Variants in NOS1AP observed in about 807,000 individuals in gnomAD.
NOS1AP encodes the protein nitric oxide synthase 1 adaptor protein.
Under a neutral mutation model 56.2 loss-of-function variants are expected in NOS1AP, and 21 were observed. That is an observed-to-expected ratio of 0.37 (90% confidence interval 0.26 to 0.54). The LOEUF is 0.54. NOS1AP is among the 20% of genes least tolerant of loss of function. The pLI is 0.84. For missense variants in NOS1AP, 522 were observed against 657.8 expected (o/e 0.79, Z 2.26); for synonymous variants, 270 against 274.6 (o/e 0.98, Z 0.17).
Position 162,357,064 on chromosome 1 carries a change from TCAC to T in NOS1AP, c.873_875del (p.His291del). ...TGGGCACAGAGACACCGCTGTCCACTCACCACCAGATGCAGCTCCTCCAGCAGC... is the reference window on the plus strand; with the variant it reads ...TGGGCACAGAGACACCGCTGTCCACTCACCAGATGCAGCTCCTCCAGCAGC... On this transcript the variant is annotated inframe_deletion, in exon 8 of 10. Transcript: ENST00000361897. 6.2e-7 allele frequency: 1 copy of T among 1,613,186 alleles called. No individual in the cohort carries two copies. The highest frequency in any genetic ancestry group is 8.5e-7 in the Non-Finnish European group (1 of 1,180,014).
intron 6 of NOS1AP, among the ~76,000 whole-genome samples, chr1:162,348,211 T>C (rs1485315318): frequency 6.6e-6 from 1 of 152,242 alleles, no homozygotes; most frequent in Non-Finnish European, 1.5e-5. Flanking sequence ...CAAGTGTTTG[T>C]TAAATGCTTA....
At chr1:162,225,244 G>A (rs1652902807) in intron 2 of NOS1AP, among the ~76,000 whole-genome samples, 1 of 152,172 alleles carries the variant, frequency 6.6e-6, no homozygotes, top group Non-Finnish European at 1.5e-5. Flanking sequence ...CACCTTTCCT[G>A]AAGGCCTGGA....
intron 5 of NOS1AP, among the ~76,000 whole-genome samples, chr1:162,341,834 C>T (rs781598337): frequency 5.3e-4 from 80 of 152,172 alleles, no homozygotes; most frequent in Admixed American, 1.0e-3. Context: ...CTGGCACAGC[C>T]TCCTAAGCAC....
chr1:162,226,384 G>C (rs1452357724), intron 2 of NOS1AP, among the ~76,000 whole-genome samples: 1 of 152,134 alleles, frequency 6.6e-6, no homozygotes, highest in African/African-American at 2.4e-5. Flanking sequence ...TGGTATTGTG[G>C]GGCAGCTCTA....
At chr1:162,291,544 A>C (rs1320038284) in intron 3 of NOS1AP, among the ~76,000 whole-genome samples, 2 of 152,182 alleles carry the variant, frequency 1.3e-5, no homozygotes, top group African/African-American at 4.8e-5. Context: ...TTCCATAAAA[A>C]TTGCTAATTC....
At chr1:162,231,334 T>C (rs905598759) in intron 2 of NOS1AP, among the ~76,000 whole-genome samples, 1 of 152,220 alleles carries the variant, frequency 6.6e-6, no homozygotes, top group Admixed American at 6.5e-5. Context: ...AATTGGCTTA[T>C]TTGGCTTTTG....
At chr1:162,133,549 G>A (rs1489648893) in intron 1 of NOS1AP, among the ~76,000 whole-genome samples, 1 of 152,188 alleles carries the variant, frequency 6.6e-6, no homozygotes, top group Non-Finnish European at 1.5e-5. Flanking sequence ...TCTGGCAGCA[G>A]TATAAATTGT....
At chr1:162,236,361 T>G (rs1223765050) in intron 2 of NOS1AP, among the ~76,000 whole-genome samples, 1 of 152,244 alleles carries the variant, frequency 6.6e-6, no homozygotes, top group Non-Finnish European at 1.5e-5. Context: ...GCTTTACAGA[T>G]ACGATCTCAC....
intron 4 of NOS1AP, among the ~76,000 whole-genome samples, chr1:162,315,336 T>C (rs1310894173): frequency 1.3e-5 from 2 of 152,242 alleles, no homozygotes; most frequent in Admixed American, 1.3e-4. Context: ...TGTAGCTTAC[T>C]CCGCAGCATG....
intron 2 of NOS1AP, among the ~76,000 whole-genome samples, chr1:162,264,441 T>TCTCCTCTCC (rs1654340362): frequency 2.1e-3 from 1 of 484 alleles, no homozygotes; most frequent in African/African-American, 0.012. Context: ...TTCTCTTCTC[T>TCTCCTCTCC]TCTCTTCTCT....
chr1:162,340,452 T>A (rs372941643), intron 5 of NOS1AP, among the ~76,000 whole-genome samples: 3 of 152,358 alleles, frequency 2.0e-5, no homozygotes, highest in East Asian at 3.9e-4. Context: ...CCTTAGTCGC[T>A]TTATGTTTCT....
chr1:162,301,956 G>T (rs1055904235), intron 4 of NOS1AP, among the ~76,000 whole-genome samples: 67 of 152,190 alleles, frequency 4.4e-4, no homozygotes, highest in African/African-American at 1.4e-3. Flanking sequence ...AAATACTCAT[G>T]CCAGGTACTG....
At chr1:162,230,270 C>T (rs141257018) in intron 2 of NOS1AP, among the ~76,000 whole-genome samples, 1 of 152,232 alleles carries the variant, frequency 6.6e-6, no homozygotes, top group East Asian at 1.9e-4. Flanking sequence ...CTCCCATATC[C>T]CATTGGCCAG....
chr1:162,339,373 A>G (rs1657033364), intron 5 of NOS1AP, among the ~76,000 whole-genome samples: 1 of 150,674 alleles, frequency 6.6e-6, no homozygotes, highest in South Asian at 2.1e-4. Context: ...ATTTGTACAG[A>G]AATAATGCAG....
chr1:162,153,322 T>G (rs1207727771), intron 1 of NOS1AP, among the ~76,000 whole-genome samples: 2 of 151,948 alleles, frequency 1.3e-5, no homozygotes, highest in East Asian at 1.9e-4. Flanking sequence ...AGAGATGAGG[T>G]TTCATCATGT....
At chr1:162,155,460 G>T (rs546755221) in intron 2 of NOS1AP, among the ~76,000 whole-genome samples, 2,273 of 149,778 alleles carry the variant, frequency 0.015, 52 homozygotes, top group African/African-American at 0.044. Context: ...TATATATAGA[G>T]AGAGAGAGAG....
intron 4 of NOS1AP, among the ~76,000 whole-genome samples, chr1:162,323,533 T>A (rs1336093599): frequency 6.6e-6 from 1 of 152,252 alleles, no homozygotes; most frequent in Non-Finnish European, 1.5e-5. Flanking sequence ...ATCCACTTCA[T>A]ACAGTTGTTG....
chr1:162,304,978 A>T (rs186002519), intron 4 of NOS1AP, among the ~76,000 whole-genome samples: 91 of 152,274 alleles, frequency 6.0e-4, no homozygotes, highest in African/African-American at 2.1e-3. Context: ...AAGAATACAT[A>T]CAATTGTTTG....
chr1:162,248,836 C>T (rs1653756770), intron 2 of NOS1AP, among the ~76,000 whole-genome samples: 1 of 152,124 alleles, frequency 6.6e-6, no homozygotes, highest in African/African-American at 2.4e-5. Context: ...CCATTAAAGT[C>T]TTCGGGGACC....
Sources: allele counts gnomAD v4.1 joint callset (sites outside exome capture counted in the v4.1 genomes callset), GRCh38; gene constraint gnomAD v4.1.1; transcripts MANE v1.5; gene names NCBI Gene and HGNC (gene_info 2026-07-23, HGNC 2026-07-21).